Variants in CDH12 observed in about 807,000 individuals in gnomAD.
The protein encoded by CDH12 is cadherin-12.
Under a neutral mutation model 74.1 loss-of-function variants are expected in CDH12, and 41 were observed. The observed-to-expected ratio is 0.55, with a 90% CI of 0.43 to 0.72. The LOEUF (loss-of-function observed/expected upper bound fraction) is 0.72, where lower values mean the gene tolerates loss of function less well. Among genes scored for constraint, CDH12 ranks in the 30% least tolerant of loss-of-function variants. The pLI, the probability that CDH12 is intolerant of heterozygous loss-of-function variation, is 0.00. For missense variants in CDH12, 945 were observed against 977.2 expected (o/e 0.97, Z 0.44); for synonymous variants, 399 against 355.0 (o/e 1.12, Z -1.39).
chr5:22,257,989 G>C (rs1021724806), intron 3 of CDH12, among the ~76,000 whole-genome samples: 1 of 152,010 alleles, frequency 6.6e-6, no homozygotes, highest in African/African-American at 2.4e-5. Context: ...GTAAGTTAAG[G>C]TTAATTTATT....
intron 1 of CDH12, among the ~76,000 whole-genome samples, chr5:22,690,519 C>A (rs963077291): frequency 1.3e-5 from 2 of 152,066 alleles, no homozygotes; most frequent in African/African-American, 2.4e-5. Flanking sequence ...TCTGGAGATA[C>A]AGATAAAATT....
intron 1 of CDH12, among the ~76,000 whole-genome samples, chr5:22,621,707 C>T (rs980841166): frequency 1.3e-5 from 2 of 151,774 alleles, no homozygotes; most frequent in African/African-American, 4.8e-5. Context: ...GAGTTTATGC[C>T]AATAAACAAA....
At chr5:22,408,531 T>C (rs980344419) in intron 2 of CDH12, among the ~76,000 whole-genome samples, 1 of 151,496 alleles carries the variant, frequency 6.6e-6, no homozygotes, top group African/African-American at 2.4e-5. Context: ...CCAAGTAACA[T>C]TGAAGAATTC....
chr5:21,760,175 T>A (rs1453580899), intron 13 of CDH12, among the ~76,000 whole-genome samples: 1 of 152,134 alleles, frequency 6.6e-6, no homozygotes, highest in Middle Eastern at 3.2e-3. Flanking sequence ...TTATAATACC[T>A]GCATTCTTAA....
intron 1 of CDH12, among the ~76,000 whole-genome samples, chr5:22,785,825 C>T (rs1747595473): frequency 6.6e-6 from 1 of 152,084 alleles, no homozygotes; most frequent in Non-Finnish European, 1.5e-5. Flanking sequence ...GCCTTATTTC[C>T]TGTTAATAGC....
chr5:21,770,878 C>T (rs1745287786), intron 11 of CDH12, among the ~76,000 whole-genome samples: 2 of 151,976 alleles, frequency 1.3e-5, no homozygotes, highest in South Asian at 4.2e-4. Context: ...TACTATGGGG[C>T]CATAAGAAAG....
chr5:22,225,913 A>ACAG (rs1486876223), intron 3 of CDH12, among the ~76,000 whole-genome samples: 1 of 151,722 alleles, frequency 6.6e-6, no homozygotes, highest in Non-Finnish European at 1.5e-5. Flanking sequence ...AACAATAACA[A>ACAG]CAACAACAAC....
chr5:22,208,704 G>A (rs1023494081), intron 4 of CDH12, among the ~76,000 whole-genome samples: 1 of 152,014 alleles, frequency 6.6e-6, no homozygotes, highest in Non-Finnish European at 1.5e-5. Flanking sequence ...TTAGACCTTG[G>A]CACATTCATT....
intron 2 of CDH12, among the ~76,000 whole-genome samples, chr5:22,411,814 G>A (rs1256005959): frequency 1.3e-5 from 2 of 151,950 alleles, no homozygotes; most frequent in African/African-American, 2.4e-5. Context: ...TTAGAGGATA[G>A]GTTTGTGTGA....
At chr5:21,764,188 CAT>C (rs919630553) in intron 12 of CDH12, among the ~76,000 whole-genome samples, 1 of 152,064 alleles carries the variant, frequency 6.6e-6, no homozygotes, top group Non-Finnish European at 1.5e-5. Flanking sequence ...TCCTGGCTAA[CAT>C]GGTGAAACCC....
intron 1 of CDH12, among the ~76,000 whole-genome samples, chr5:22,677,887 C>A (rs926558158): frequency 5.9e-5 from 9 of 151,920 alleles, no homozygotes; most frequent in Admixed American, 5.9e-4. Context: ...TAGTGAAGGA[C>A]CTCTTCCTGG....
intron 6 of CDH12, among the ~76,000 whole-genome samples, chr5:21,936,532 T>C (rs899837513): frequency 1.3e-5 from 2 of 152,220 alleles, no homozygotes; most frequent in African/African-American, 4.8e-5. Flanking sequence ...TGAAGTCATT[T>C]AAACAAATAA....
At chr5:22,483,763 T>TATATATATATATATATATATATATA (rs902754630) in intron 2 of CDH12, among the ~76,000 whole-genome samples, 2 of 91,838 alleles carry the variant, frequency 2.2e-5, no homozygotes, top group Non-Finnish European at 4.4e-5. Context: ...TATATATATA[T>TATATATATATATATATATATATATA]AAATTTAATT....
intron 6 of CDH12, among the ~76,000 whole-genome samples, chr5:21,855,049 T>C (rs1379364388): frequency 6.6e-6 from 1 of 151,748 alleles, no homozygotes; most frequent in Non-Finnish European, 1.5e-5. Flanking sequence ...ATGAAAGTCA[T>C]CATGATACCT....
At chr5:21,880,543 C>CTTCCTTCCTTCCTTCCCTTCT in intron 6 of CDH12, among the ~76,000 whole-genome samples, 3 of 116,916 alleles carry the variant, frequency 2.6e-5, no homozygotes, top group African/African-American at 9.2e-5. Flanking sequence ...CTTTTCCTTC[C>CTTCCTTCCTTCCTTCCCTTCT]TTCCTTCCTT....
intron 1 of CDH12, among the ~76,000 whole-genome samples, chr5:22,522,919 A>G (rs436639): frequency 0.6 from 90,734 of 151,902 alleles, 27,363 homozygotes; most frequent in Admixed American, 0.7. Flanking sequence ...GTCTTTCACT[A>G]AAAAATTTCT....
intron 1 of CDH12, among the ~76,000 whole-genome samples, chr5:22,762,634 G>A (rs1192486811): frequency 6.6e-6 from 1 of 151,656 alleles, no homozygotes; most frequent in Non-Finnish European, 1.5e-5. Context: ...AACTAAGATC[G>A]TTGGGTCAAA....
At chr5:22,161,568 T>C (rs1748353165) in intron 4 of CDH12, among the ~76,000 whole-genome samples, 1 of 151,958 alleles carries the variant, frequency 6.6e-6, no homozygotes, top group Non-Finnish European at 1.5e-5. Flanking sequence ...TTGCCAGACA[T>C]GGTTGCACGT....
intron 1 of CDH12, among the ~76,000 whole-genome samples, chr5:22,720,777 T>A (rs538919611): frequency 6.6e-6 from 1 of 152,220 alleles, no homozygotes; most frequent in East Asian, 1.9e-4. Flanking sequence ...AATGAGGAAC[T>A]CATTGGGAAG....
Sources: gnomAD v4.1 joint callset for allele counts (sites outside exome capture counted in the v4.1 genomes callset) on GRCh38, gnomAD v4.1.1 for gene constraint, MANE v1.5 for transcripts, NCBI Gene and HGNC (gene_info 2026-07-23, HGNC 2026-07-21) for gene names.